The following ZFYVE16 variants were observed in gnomAD, a reference collection of about 807,000 sequenced individuals.
ZFYVE16 encodes zinc finger FYVE domain-containing protein 16.
ZFYVE16 carries 89 observed loss-of-function variants against 138.1 expected under a neutral mutation model. The ratio of observed to expected loss-of-function variants is 0.64; its 90% CI spans 0.54 to 0.77. The LOEUF is 0.77. ZFYVE16 is among the 30% of genes least tolerant of loss of function. The pLI is 0.00. For synonymous variants in ZFYVE16, 596 were observed against 618.3 expected (o/e 0.96, Z 0.53); for missense variants, 1,793 against 1,786.7 (o/e 1.00, Z -0.06).
At chr5:80,466,195 G>A (rs1485095243) in intron 15 of ZFYVE16, among the ~76,000 whole-genome samples, 1 of 151,828 alleles carries the variant, frequency 6.6e-6, no homozygotes, top group Non-Finnish European at 1.5e-5. Context: ...CAAAGTGCTG[G>A]GGTTACAGGC....
rs1303735216 is a variant in ZFYVE16 at position 80,449,517 on chromosome 5, A to C, written c.3104-74A>C. On this transcript the variant is annotated intron_variant, in intron 8 of 18. Transcript: ENST00000505560. The stretch of plus-strand genomic sequence containing the variant: ...TGATCAGGCCACTGGTGGATTTATA[A>C]ATTTGTTTTTTTCATTTGTAAGCAT... The C allele has an allele frequency of 3.4e-6, 5 of 1,482,272 alleles. No individual in the cohort carries two copies. In the African/African-American group the frequency reaches 4.3e-5, roughly 13 times the overall value. 91.8% of individuals were successfully genotyped at this position (1,482,272 alleles called of 1,614,324 possible).
intron 15 of ZFYVE16, among the ~76,000 whole-genome samples, chr5:80,461,696 C>G (rs1753134431): frequency 6.6e-6 from 1 of 152,122 alleles, no homozygotes; most frequent in Non-Finnish European, 1.5e-5. Flanking sequence ...CAGTCCTAGG[C>G]TGGGTGTGGT....
In ZFYVE16 at chr5:80,456,513, A is replaced by C; in HGVS notation, c.3743A>C (p.His1248Pro). The change falls in exon 13 of 19, where the codon CAT becomes CCT. Residue 1248 changes from histidine (H) to proline (P), a missense_variant. His to Pro is a moderately conservative substitution (Grantham distance 77, BLOSUM62 -2). This residue lies in a region of ZFYVE16 where 498 missense variants were observed against 582.4 expected (regional missense o/e 0.86). Coordinates refer to ENST00000505560, the MANE Select transcript of ZFYVE16 (RefSeq NM_001284236.3). ...TLHNIDQLLI[H>P]MEMGKSCIKI... ...CATAATATAGATCAACTGTTGATTC[A>C]TATGGAAATGGGAAAAAGCTGCATA... is the stretch of plus-strand genomic sequence containing the variant. The C allele has an allele frequency of 6.2e-7, 1 of 1,613,278 alleles. No individual in the cohort carries two copies. The highest frequency in any genetic ancestry group is 1.7e-4 in the Middle Eastern group (1 of 6,052).
At chr5:80,473,978 C>T in intron 17 of ZFYVE16, 119 bp downstream of exon 17, 1 of 680,664 alleles carries the variant, frequency 1.5e-6, no homozygotes. Context: ...TTTTATGCTA[C>T]ACTTTGAGAC....
At position 80,449,601 on chromosome 5, in the gene ZFYVE16, A is replaced by G; in HGVS notation, c.3114A>G (p.Val1038=). 1 of 1,608,064 alleles carries G rather than the reference A, an allele frequency of 6.2e-7. No homozygotes were observed. Among genetic ancestry groups the G allele is most frequent in the Non-Finnish European group, 8.5e-7 (1 of 1,177,864 alleles). The change falls in exon 9 of 19, where the codon GTA becomes GTG. Residue 1038 remains valine (V), a synonymous_variant. Transcript: ENST00000505560. ...ACTTTCATCATTTAGTGCCTGTAGTAGAAGAACATCCATCTCATGAGCAGA... is the reference window on the plus strand; with the variant it reads ...ACTTTCATCATTTAGTGCCTGTAGTGGAAGAACATCCATCTCATGAGCAGA... ...ASGEKGSVPV[V]EEHPSHEQII... is the part of the protein sequence containing the mutation.
intron 13 of ZFYVE16, 42 bp from the exon 14 acceptor site, chr5:80,456,903 A>T: frequency 1.9e-6 from 3 of 1,568,172 alleles, no homozygotes; most frequent in Non-Finnish European, 2.6e-6. Context: ...ATAATATTAA[A>T]AGTGTTTCTA....
intron 11 of ZFYVE16, 122 bp from the exon 12 acceptor site, chr5:80,455,570 A>G (rs965500427): frequency 2.5e-6 from 2 of 816,272 alleles, no homozygotes; most frequent in Non-Finnish European, 2.0e-6. Flanking sequence ...CTTTCCCCTA[A>G]GAACTGATTG....
intron 14 of ZFYVE16, among the ~76,000 whole-genome samples, chr5:80,457,964 T>A (rs1383635201): frequency 6.7e-6 from 1 of 150,166 alleles, no homozygotes; most frequent in Non-Finnish European, 1.5e-5. Context: ...AGGCGGAGCT[T>A]GCAGTGAGCC....
intron 6 of ZFYVE16, among the ~76,000 whole-genome samples, 196 bp from the exon 7 acceptor site, chr5:80,445,067 C>T (rs1173850633): frequency 6.6e-6 from 1 of 152,050 alleles, no homozygotes; most frequent in African/African-American, 2.4e-5. Context: ...TCCCTTTGTA[C>T]GAATTAGATA....
In ZFYVE16 at chr5:80,477,298, T is replaced by C. The variant is rs1755012870; in HGVS notation, c.4541T>C (p.Val1514Ala). ...GATCTTGATAGTGCTCTGATACCTG[T>C]GATCCATGGTGGGACCTCCAACTCT... The part of the protein sequence containing the change: ...LNDLDSALIP[V>A]IHGGTSNSSL... Residue 1514 changes from valine to alanine, a missense_variant, in exon 19 of 19, where the codon GTG becomes GCG. Transcript: ENST00000505560. The C allele has an allele frequency of 1.2e-6, 2 of 1,610,502 alleles. No individual in the cohort carries two copies. The highest frequency in any genetic ancestry group is 4.5e-5 in the East Asian group (2 of 44,584).
At chr5:80,470,278 T>G (rs1237219971) in intron 15 of ZFYVE16, among the ~76,000 whole-genome samples, 2 of 151,464 alleles carry the variant, frequency 1.3e-5, no homozygotes, top group African/African-American at 4.9e-5. Context: ...ATTTTTCGTA[T>G]TTTTAGTAGA....
intron 1 of ZFYVE16, among the ~76,000 whole-genome samples, chr5:80,413,877 CT>C (rs1327772514): frequency 6.6e-6 from 1 of 152,164 alleles, no homozygotes; most frequent in Non-Finnish European, 1.5e-5. Context: ...GTATAGTTTA[CT>C]CATTTCCTAT....
chr5:80,448,804 A>G (rs1197765233), intron 8 of ZFYVE16, among the ~76,000 whole-genome samples: 1 of 152,098 alleles, frequency 6.6e-6, no homozygotes, highest in Non-Finnish European at 1.5e-5. Context: ...TTTTACATCT[A>G]TGACTTGTAG....
At chr5:80,440,694 G>GTGTGTT in intron 5 of ZFYVE16, 1 of 981,282 alleles carries the variant, frequency 1.0e-6, no homozygotes, top group Non-Finnish European at 1.2e-6. Context: ...GTGTGTGTGT[G>GTGTGTT]TGTGTGTGTG....
intron 1 of ZFYVE16, among the ~76,000 whole-genome samples, chr5:80,409,075 A>G (rs1048466532): frequency 2.0e-5 from 3 of 152,242 alleles, no homozygotes; most frequent in East Asian, 3.8e-4. Flanking sequence ...ATGATCAATC[A>G]TAATTCCACC....
chr5:80,439,849 A>G, intron 4 of ZFYVE16, 87 bp from the exon 5 acceptor site: 2 of 941,534 alleles, frequency 2.1e-6, no homozygotes, highest in Non-Finnish European at 1.5e-6. Context: ...AATTTTGGTT[A>G]ATTAGGTTTA....
Position 80,438,599 on chromosome 5 carries a change from T to C in ZFYVE16, c.1914T>C (p.Asp638=). 1 of 1,614,132 alleles carries C rather than the reference T, an allele frequency of 6.2e-7. No homozygotes were observed. Among genetic ancestry groups the C allele is most frequent in the Non-Finnish European group, 8.5e-7 (1 of 1,179,990 alleles). The change falls in exon 4 of 19, where the codon GAT becomes GAC. Residue 638 remains aspartate, a synonymous_variant. Transcript: ENST00000505560. ...SEITNQLSVS[D]INSQSVGGAR... is the part of the protein sequence containing the mutation. Reference sequence around the variant, plus strand: ...TTACAAATCAATTATCGGTCTCTGATATTAACAGTCAATCTGTTGGAGGGG... The same window carrying C: ...TTACAAATCAATTATCGGTCTCTGACATTAACAGTCAATCTGTTGGAGGGG...
chr5:80,421,819 C>A (rs1336104843), intron 1 of ZFYVE16, among the ~76,000 whole-genome samples: 1 of 152,056 alleles, frequency 6.6e-6, no homozygotes, highest in Non-Finnish European at 1.5e-5. Context: ...TAGTTTTTTT[C>A]CAGTTCTGTG....
At chr5:80,408,460 G>A (rs1040199176) in intron 1 of ZFYVE16, among the ~76,000 whole-genome samples, 3 of 152,228 alleles carry the variant, frequency 2.0e-5, no homozygotes, top group Non-Finnish European at 2.9e-5. Flanking sequence ...CGGCGCTCCT[G>A]GGGGAGAGAC....
Sources: allele counts gnomAD v4.1 joint callset (sites outside exome capture counted in the v4.1 genomes callset), GRCh38; gene constraint gnomAD v4.1.1; regional missense constraint gnomAD v4.1.1; transcripts MANE v1.5; gene names NCBI Gene and HGNC (gene_info 2026-07-23, HGNC 2026-07-21).